Variants in LRRC39 observed in about 807,000 individuals in gnomAD.
The protein encoded by LRRC39 is leucine rich repeat containing 39.
Under a neutral mutation model 39.7 loss-of-function variants are expected in LRRC39, and 35 were observed. The ratio of observed to expected loss-of-function variants is 0.88; its 90% CI spans 0.67 to 1.17. The LOEUF (loss-of-function observed/expected upper bound fraction) is 1.17. Among genes scored for constraint, LRRC39 ranks in the 50% most tolerant of loss-of-function variants. LRRC39 has a pLI of 0.00. For missense variants in LRRC39, 357 were observed against 385.8 expected (o/e 0.93, Z 0.62); for synonymous variants, 113 against 134.1 (o/e 0.84, Z 1.09).
rs762111111 is a variant in LRRC39, at chr1:100,159,287, G to C, written c.348C>G (p.Asn116Lys). Residue 116 changes from asparagine to lysine, a missense_variant, in exon 5 of 10, where the codon AAC (asparagine) becomes AAG (lysine). By Grantham distance (94) the Asn-to-Lys change is moderately conservative. Coordinates refer to ENST00000370137, the MANE Select transcript of LRRC39 (RefSeq NM_144620.4). The part of the protein sequence containing the change: ...QNLIVLDLSR[N>K]TISEIPPGIG... ...TCCCTGGTGGTATCTCTGAAATTGT[G>C]TTTCGAGATAAATCTAACACAATGA... 6.4e-5 allele frequency: 103 copies of C among 1,605,698 alleles called. 2 individuals are homozygous for C. The East Asian group carries it at 2.3e-3, about 36-fold the overall frequency.
At chr1:100,167,315 G>A (rs1044012296) in intron 3 of LRRC39, among the ~76,000 whole-genome samples, 5 of 152,060 alleles carry the variant, frequency 3.3e-5, no homozygotes, top group Admixed American at 2.6e-4. Flanking sequence ...GGGATTAACA[G>A]TGGAAGGTGA....
At position 100,158,356 on chromosome 1, in the gene LRRC39, T is replaced by G. The variant is rs766103545; in HGVS notation, c.388A>C (p.Arg130=). 31 of 1,612,814 alleles carry G rather than the reference T, an allele frequency of 1.9e-5. No individual in the cohort carries two copies. The highest frequency in any genetic ancestry group is 2.5e-5 in the Non-Finnish European group (30 of 1,178,860). Reference sequence around the variant, plus strand: ...TAGCTGAGAATCAGTTCCTGAAGTCTAGTAAGCAGTCCTATAAAAAATAAT... The same window carrying G: ...TAGCTGAGAATCAGTTCCTGAAGTCGAGTAAGCAGTCCTATAAAAAATAAT... ...EIPPGIGLLT[R]LQELILSYNK... Residue 130 remains arginine (R), a synonymous_variant, in exon 6 of 10, where the codon AGA becomes CGA. Coordinates refer to ENST00000370137, the MANE Select transcript of LRRC39 (RefSeq NM_144620.4).
rs1658704199 is a variant in LRRC39 at position 100,159,415 on chromosome 1, T to C, written c.220A>G (p.Thr74Ala). ...ILKIEKEEWK[T>A]LPSSLLKLNQ... ...AGTTTCAGCAGAGAAGAAGGGAGGG[T>C]CTACAGTAAAAGAAATGATGGTTGT... Residue 74 changes from threonine to alanine, a missense_variant and splice_region_variant, in exon 5 of 10, where the codon ACC becomes GCC. Thr to Ala is a moderately conservative substitution (Grantham distance 58). Coordinates refer to ENST00000370137, the MANE Select transcript of LRRC39 (RefSeq NM_144620.4). The C allele has an allele frequency of 6.3e-7, 1 of 1,588,878 alleles. No individual in the cohort carries two copies. The highest frequency in any genetic ancestry group is 8.5e-7 in the Non-Finnish European group (1 of 1,170,046).
intron 5 of LRRC39, among the ~76,000 whole-genome samples, chr1:100,158,770 A>C (rs1275237324): frequency 6.6e-6 from 1 of 152,054 alleles, no homozygotes; most frequent in Non-Finnish European, 1.5e-5. Context: ...TTGTATTGGC[A>C]AATTCGGAGT....
chr1:100,167,389 C>T (rs1659322516), intron 3 of LRRC39, among the ~76,000 whole-genome samples: 1 of 152,120 alleles, frequency 6.6e-6, no homozygotes, highest in Non-Finnish European at 1.5e-5. Flanking sequence ...TCAGAACAGC[C>T]TCACTTCCCT....
intron 5 of LRRC39, 142 bp downstream of exon 5, chr1:100,159,117 T>C: frequency 1.7e-6 from 1 of 597,052 alleles, no homozygotes; most frequent in Non-Finnish European, 2.5e-6. Flanking sequence ...CCTAGAAGCT[T>C]CAATTTAGAT....
In LRRC39 at chr1:100,152,455, T is replaced by C; in HGVS notation, c.882A>G (p.Glu294=). Residue 294 remains glutamate (E), a synonymous_variant, in exon 9 of 10, where the codon GAA becomes GAG. Transcript: ENST00000370137. The part of the protein sequence containing the change: ...VSLPPSEGTD[E]EEERELFGLQ... ...GGCCAAATAATTCCCGTTCCTCTTC[T>C]TCATCTGTGCCTTCACTGGGAGGAA... 6.2e-7 allele frequency: 1 copy of C among 1,612,740 alleles called. No individual in the cohort carries two copies. Among genetic ancestry groups the C allele is most frequent in the Non-Finnish European group, 8.5e-7 (1 of 1,179,892 alleles).
chr1:100,152,561 T>G, intron 8 of LRRC39, 37 bp from the exon 9 acceptor site: 1 of 1,600,142 alleles, frequency 6.2e-7, no homozygotes, highest in Non-Finnish European at 8.5e-7. Context: ...TTTATAGGTG[T>G]CATGGAAGTG....
Position 100,152,529 on chromosome 1 carries a change from A to T in LRRC39, c.813-5T>A. ...TTGTCTCTGAAGTTGACAAACCTAG[A>T]AGTTCATCAAAAAACAGTATTTTTA... On this transcript the variant is annotated splice_polypyrimidine_tract_variant and splice_region_variant and intron_variant, in intron 8 of 9. Coordinates refer to ENST00000370137, the MANE Select transcript of LRRC39 (RefSeq NM_144620.4). 6.2e-7 allele frequency: 1 copy of T among 1,612,648 alleles called. No individual in the cohort carries two copies. Among genetic ancestry groups the T allele is most frequent in the Non-Finnish European group, 8.5e-7 (1 of 1,179,498 alleles).
chr1:100,166,756 A>C (rs986638996), intron 3 of LRRC39, among the ~76,000 whole-genome samples: 1 of 152,210 alleles, frequency 6.6e-6, no homozygotes, highest in African/African-American at 2.4e-5. Flanking sequence ...GGAGAAATTC[A>C]AGCTGGCTGC....
intron 8 of LRRC39, among the ~76,000 whole-genome samples, chr1:100,154,321 A>G (rs1658294568): frequency 6.6e-6 from 1 of 151,546 alleles, no homozygotes; most frequent in African/African-American, 2.4e-5. Context: ...TTTTCTCAAG[A>G]AAAAAAATTC....
At chr1:100,149,253 T>G in intron 9 of LRRC39, 156 bp from the exon 10 acceptor site, 1 of 1,512,076 alleles carries the variant, frequency 6.6e-7, no homozygotes, top group Non-Finnish European at 8.8e-7. Context: ...AGAATTTGAC[T>G]TATATGTGGA....
chr1:100,171,637 G>C (rs2101796049), intron 2 of LRRC39, among the ~76,000 whole-genome samples: 1 of 151,138 alleles, frequency 6.6e-6, no homozygotes, highest in African/African-American at 2.4e-5. Flanking sequence ...CAAGTAGCTG[G>C]GACTACAGAT....
chr1:100,157,811 T>G (rs188473185), intron 6 of LRRC39, among the ~76,000 whole-genome samples: 1 of 152,360 alleles, frequency 6.6e-6, no homozygotes, highest in East Asian at 1.9e-4. Context: ...CAATTTGGTT[T>G]GACCAATAAC....
At chr1:100,158,609 T>C (rs1270284101) in intron 5 of LRRC39, among the ~76,000 whole-genome samples, 2 of 152,152 alleles carry the variant, frequency 1.3e-5, no homozygotes, top group Non-Finnish European at 2.9e-5. Context: ...GGTAATTTTT[T>C]GTATTTTTAG....
In LRRC39 at chr1:100,164,435, T is replaced by A. The variant is rs1348320648; in HGVS notation, c.114-3864A>T. ...GCTTGTTAGAGATCCAGACTCTTGG[T>A]CCTACTCCAGACTTACTAACCCAGA... On this transcript the variant is annotated intron_variant, in intron 3 of 9. Coordinates refer to ENST00000370137, the MANE Select transcript of LRRC39 (RefSeq NM_144620.4). Among the ~76,000 whole-genome samples, 5 of 152,192 alleles carry A rather than the reference T, an allele frequency of 3.3e-5. No homozygotes were observed. The South Asian group carries it at 1.0e-3, about 31-fold the overall frequency.
chr1:100,152,994 T>C (rs540074038), intron 8 of LRRC39, among the ~76,000 whole-genome samples: 3 of 152,200 alleles, frequency 2.0e-5, no homozygotes, highest in Non-Finnish European at 4.4e-5. Context: ...CCTAAAGTAC[T>C]GGGATTACAG....
chr1:100,169,023 G>A (rs1659425600), intron 2 of LRRC39, among the ~76,000 whole-genome samples: 1 of 151,964 alleles, frequency 6.6e-6, no homozygotes, highest in South Asian at 2.1e-4. Context: ...AATATATTGG[G>A]ATTGTTTCCT....
intron 1 of LRRC39, among the ~76,000 whole-genome samples, chr1:100,174,237 T>C (rs1659819597): frequency 6.6e-6 from 1 of 152,146 alleles, no homozygotes; most frequent in African/African-American, 2.4e-5. Flanking sequence ...CATACCAGTG[T>C]ACCTGAATAA....
Sources: allele counts gnomAD v4.1 joint callset (sites outside exome capture counted in the v4.1 genomes callset), GRCh38; gene constraint gnomAD v4.1.1; transcripts MANE v1.5; gene names NCBI Gene and HGNC (gene_info 2026-07-23, HGNC 2026-07-21).